The following THSD4 variants were observed in gnomAD, a reference collection of about 807,000 sequenced individuals.
THSD4 encodes thrombospondin type-1 domain-containing protein 4.
Under a neutral mutation model 119.0 loss-of-function variants are expected in THSD4, and 69 were observed. The ratio of observed to expected loss-of-function variants is 0.58; its 90% CI spans 0.48 to 0.71. The LOEUF is 0.71. Among genes scored for constraint, THSD4 ranks in the 30% least tolerant of loss-of-function variants. The probability of loss-of-function intolerance (pLI) is 0.00; values close to 1 mark genes in which losing one functional copy is unlikely to be tolerated. For missense variants in THSD4, 1,393 were observed against 1,391.1 expected (o/e 1.00, Z -0.02); for synonymous variants, 524 against 540.4 (o/e 0.97, Z 0.42).
At chr15:71,276,180 A>G (rs1260178759) in intron 6 of THSD4, among the ~76,000 whole-genome samples, 1 of 152,220 alleles carries the variant, frequency 6.6e-6, no homozygotes, top group African/African-American at 2.4e-5. Context: ...TATCTGGGTA[A>G]AATCTGCCTT....
At chr15:71,657,784 A>G (rs1372890473) in intron 7 of THSD4, among the ~76,000 whole-genome samples, 3 of 152,228 alleles carry the variant, frequency 2.0e-5, no homozygotes, top group Admixed American at 6.5e-5. Flanking sequence ...TCCCATGTCT[A>G]GATTGATCCA....
intron 1 of THSD4, among the ~76,000 whole-genome samples, chr15:71,131,006 A>C (rs764570963): frequency 6.6e-6 from 1 of 152,198 alleles, no homozygotes; most frequent in Non-Finnish European, 1.5e-5. Flanking sequence ...GGCCTCCCAA[A>C]GTGCTGGGAT....
intron 7 of THSD4, among the ~76,000 whole-genome samples, chr15:71,486,079 G>A (rs571118576): frequency 6.6e-6 from 1 of 152,156 alleles, no homozygotes; most frequent in African/African-American, 2.4e-5. Context: ...TCAGTTTAGG[G>A]ACATGTGGAG....
At chr15:71,339,952 A>G (rs1403893795) in intron 6 of THSD4, among the ~76,000 whole-genome samples, 1 of 152,028 alleles carries the variant, frequency 6.6e-6, no homozygotes, top group Non-Finnish European at 1.5e-5. Context: ...TTTAGTAGAG[A>G]CAGGCTTTCG....
At chr15:71,268,864 A>T (rs184872971) in intron 6 of THSD4, among the ~76,000 whole-genome samples, 2 of 152,334 alleles carry the variant, frequency 1.3e-5, no homozygotes, top group African/African-American at 2.4e-5. Flanking sequence ...AAAATCTAGA[A>T]GAAATGGATA....
chr15:71,647,126 T>A (rs569676013), intron 7 of THSD4, among the ~76,000 whole-genome samples: 4 of 152,362 alleles, frequency 2.6e-5, no homozygotes, highest in African/African-American at 9.6e-5. Flanking sequence ...AAATTAAGAA[T>A]TTCAAGGTTC....
chr15:71,314,804 A>G (rs2045163395), intron 6 of THSD4, among the ~76,000 whole-genome samples: 1 of 152,222 alleles, frequency 6.6e-6, no homozygotes, highest in Non-Finnish European at 1.5e-5. Flanking sequence ...AAATTTCTGC[A>G]ACAGACTCAA....
chr15:71,373,156 T>G (rs1406716793), intron 6 of THSD4, among the ~76,000 whole-genome samples: 1 of 152,276 alleles, frequency 6.6e-6, no homozygotes, highest in Non-Finnish European at 1.5e-5. Flanking sequence ...CAGTCTTAAC[T>G]GCCTCTTTAA....
chr15:71,473,095 G>T (rs9920679), intron 7 of THSD4, among the ~76,000 whole-genome samples: 47,357 of 143,096 alleles, frequency 0.33, 7,774 homozygotes, highest in South Asian at 0.43. Flanking sequence ...CTCACTCTGT[G>T]GCCCAGGCTG....
intron 4 of THSD4, among the ~76,000 whole-genome samples, chr15:71,232,825 G>A (rs919332293): frequency 1.3e-5 from 2 of 152,140 alleles, no homozygotes; most frequent in African/African-American, 4.8e-5. Context: ...GAGCCAGGTG[G>A]GTCTTTCAAA....
At position 71,745,192 on chromosome 15, in the gene THSD4, A is replaced by ACCC. The variant is rs2053311843; in HGVS notation, c.1996_1998dup (p.Pro666dup). 2 of 1,612,992 alleles carry ACCC rather than the reference A, an allele frequency of 1.2e-6. No homozygotes were observed. The highest frequency in any genetic ancestry group is 2.7e-5 in the African/African-American group (2 of 74,798). On this transcript the variant is annotated inframe_insertion, in exon 12 of 18. Coordinates refer to ENST00000261862, the MANE Select transcript of THSD4 (RefSeq NM_024817.3). ...TTACTGTGACTCCAGCATGAAGCCGACCCCCGAGGAGGAGCCCTGCAACAT... is the reference window on the plus strand; with the variant it reads ...TTACTGTGACTCCAGCATGAAGCCGACCCCCCCCGAGGAGGAGCCCTGCAACAT...
chr15:71,305,487 T>G (rs903520779), intron 6 of THSD4, among the ~76,000 whole-genome samples: 1 of 152,084 alleles, frequency 6.6e-6, no homozygotes, highest in Non-Finnish European at 1.5e-5. Context: ...GTAGTTAACG[T>G]GGGGTTGGAG....
chr15:71,233,267 G>A (rs925889306), intron 4 of THSD4, among the ~76,000 whole-genome samples: 13 of 152,236 alleles, frequency 8.5e-5, no homozygotes, highest in Middle Eastern at 3.4e-3. Context: ...ATATTTAGGC[G>A]TTAAGATTAC....
intron 6 of THSD4, among the ~76,000 whole-genome samples, chr15:71,313,809 G>A (rs1345697899): frequency 6.6e-6 from 1 of 152,070 alleles, no homozygotes; most frequent in Non-Finnish European, 1.5e-5. Context: ...TACCGACTGG[G>A]GGCTCTCCGT....
intron 7 of THSD4, among the ~76,000 whole-genome samples, chr15:71,545,370 T>C (rs113908913): frequency 1.3e-5 from 2 of 152,188 alleles, no homozygotes; most frequent in Non-Finnish European, 2.9e-5. Context: ...GGCAAACTAC[T>C]GTCAAATCTG....
At chr15:71,285,668 A>G (rs1227371601) in intron 6 of THSD4, among the ~76,000 whole-genome samples, 1 of 152,096 alleles carries the variant, frequency 6.6e-6, no homozygotes, top group Non-Finnish European at 1.5e-5. Context: ...AGTCTGGCCA[A>G]TATGGTAAAA....
intron 7 of THSD4, among the ~76,000 whole-genome samples, chr15:71,623,058 C>T (rs893036358): frequency 1.3e-5 from 2 of 151,668 alleles, no homozygotes; most frequent in Non-Finnish European, 2.9e-5. Flanking sequence ...AATCAGGAGT[C>T]CCTGAAAAAT....
intron 7 of THSD4, among the ~76,000 whole-genome samples, chr15:71,589,033 T>C (rs144259386): frequency 5.9e-5 from 9 of 152,272 alleles, no homozygotes; most frequent in Non-Finnish European, 8.8e-5. Flanking sequence ...TAGGGACCTT[T>C]TGTGCTTTCT....
At chr15:71,650,406 T>C (rs2051059987) in intron 7 of THSD4, among the ~76,000 whole-genome samples, 1 of 152,142 alleles carries the variant, frequency 6.6e-6, no homozygotes, top group East Asian at 1.9e-4. Context: ...TGGGAAGCGG[T>C]GCAAGACTTC....
Sources: allele counts gnomAD v4.1 joint callset (sites outside exome capture counted in the v4.1 genomes callset), GRCh38; gene constraint gnomAD v4.1.1; transcripts MANE v1.5; gene names NCBI Gene and HGNC (gene_info 2026-07-23, HGNC 2026-07-21).